The following NSD3 variants were observed in gnomAD, a reference collection of about 807,000 sequenced individuals.
NSD3 encodes nuclear receptor binding SET domain protein 3, also known as histone-lysine N-methyltransferase NSD3.
In NSD3, 24 loss-of-function variants were observed where a neutral mutation model predicts 160.8. That is an observed-to-expected ratio of 0.15 (90% CI 0.11 to 0.21). The LOEUF is 0.21. NSD3 is among the 10% of genes least tolerant of loss of function. The pLI is 1.00. For missense variants in NSD3, 1,157 were observed against 1,735.9 expected (o/e 0.67, Z 5.93); for synonymous variants, 520 against 600.0 (o/e 0.87, Z 1.95).
At position 38,318,804 on chromosome 8, in the gene NSD3, A is replaced by T; in HGVS notation, c.1855+91T>A. The stretch of plus-strand genomic sequence containing the variant: ...ACACTGAAGAGCAACAACGATTTAC[A>T]GAGACAGACAAAAATACATGAAGTA... On this transcript the variant is annotated intron_variant, in intron 9 of 23. Coordinates refer to ENST00000317025, the MANE Select transcript of NSD3 (RefSeq NM_023034.2). The surrounding 1 kb of genome is among the most constrained non-coding windows in gnomAD (Gnocchi z 5.3). 3.2e-6 allele frequency: 4 copies of T among 1,263,988 alleles called. No homozygotes were observed. The highest frequency in any genetic ancestry group is 3.4e-6 in the Non-Finnish European group (3 of 873,072). 78.3% of individuals were successfully genotyped at this position (1,263,988 alleles called of 1,614,324 possible). A position where few individuals can be genotyped will look rare whatever the true frequency, so the allele number is the denominator to read the frequency against.
At position 38,348,027 on chromosome 8, in the gene NSD3, A is replaced by G; in HGVS notation, c.145T>C (p.Tyr49His). 1 of 1,614,216 alleles carries G rather than the reference A, an allele frequency of 6.2e-7. No homozygotes were observed. Among genetic ancestry groups the G allele is most frequent in the Non-Finnish European group, 8.5e-7 (1 of 1,180,036 alleles). ...DIAEDGGQTPYEATLQQGFQY... is the reference protein window; with the variant it reads ...DIAEDGGQTPHEATLQQGFQY... The stretch of plus-strand genomic sequence containing the variant: ...AAGCCTTGCTGCAAAGTAGCTTCAT[A>G]TGGTGTCTGGCCACCATCTTCAGCA... Residue 49 changes from tyrosine (Y) to histidine (H), a missense_variant, in exon 2 of 24, where the codon TAT becomes CAT. By Grantham distance (83) the Tyr-to-His change is moderately conservative. Coordinates refer to ENST00000317025, the MANE Select transcript of NSD3 (RefSeq NM_023034.2).
chr8:38,305,511 T>C, intron 12 of NSD3, 66 bp from the exon 13 acceptor site: 3 of 1,522,800 alleles, frequency 2.0e-6, no homozygotes, highest in Non-Finnish European at 2.7e-6. Context: ...TAGAAGCAGC[T>C]ACAGACATCA....
At chr8:38,313,987 A>G (rs1446977152) in intron 12 of NSD3, among the ~76,000 whole-genome samples, 1 of 143,596 alleles carries the variant, frequency 7.0e-6, no homozygotes, top group Non-Finnish European at 1.6e-5. Context: ...CCTCATAGCT[A>G]AAACAAAGCA....
intron 18 of NSD3, 70 bp downstream of exon 18, chr8:38,289,323 G>T: frequency 7.4e-7 from 1 of 1,355,630 alleles, no homozygotes; most frequent in Non-Finnish European, 1.0e-6. Flanking sequence ...AAATAACAAT[G>T]CTTTCATAGT....
In NSD3 at chr8:38,305,400, T is replaced by G. The variant is rs770854471; in HGVS notation, c.2288A>C (p.Lys763Thr). ...CCCACAAGCACCAACAGAACAACGC[T>G]TCACATCTTTACCAGACACTTTACA... ...FSCKVSGKDV[K>T]RCSVGACGKF... is the part of the protein sequence containing the mutation. Residue 763 changes from lysine to threonine, a missense_variant, in exon 13 of 24, where the codon AAG becomes ACG. By Grantham distance (78) the Lys-to-Thr change is moderately conservative. This residue lies in a region of NSD3 where 437 missense variants were observed against 576.6 expected (regional missense o/e 0.76). Coordinates refer to ENST00000317025, the MANE Select transcript of NSD3 (RefSeq NM_023034.2). 1 of 1,614,152 alleles carries G rather than the reference T, an allele frequency of 6.2e-7. No homozygotes were observed. Among genetic ancestry groups the G allele is most frequent in the South Asian group, 1.1e-5 (1 of 91,084 alleles).
chr8:38,324,786 G>A (rs1809868907), intron 7 of NSD3, among the ~76,000 whole-genome samples: 1 of 152,202 alleles, frequency 6.6e-6, no homozygotes, highest in Admixed American at 6.5e-5. Context: ...GAGAAGGGGA[G>A]TGGGGCTGAA....
intron 1 of NSD3, among the ~76,000 whole-genome samples, chr8:38,352,841 A>G (rs972651460): frequency 6.6e-6 from 1 of 152,134 alleles, no homozygotes; most frequent in Non-Finnish European, 1.5e-5. Context: ...CCTGATGTCC[A>G]TGATTTTTAC....
At chr8:38,334,747 A>T (rs1023584927) in intron 4 of NSD3, among the ~76,000 whole-genome samples, 3 of 149,936 alleles carry the variant, frequency 2.0e-5, no homozygotes, top group African/African-American at 7.4e-5. Flanking sequence ...GCAACAATCC[A>T]TCTCAAAAAC....
Position 38,329,258 on chromosome 8 carries a change from G to T in NSD3, c.1581+120C>A. 8.2e-7 allele frequency: 1 copy of T among 1,225,362 alleles called. No homozygotes were observed. Among genetic ancestry groups the T allele is most frequent in the Non-Finnish European group, 1.1e-6 (1 of 889,694 alleles). The allele number at this position is 1,225,362 out of a possible 1,614,324, so 75.9% of individuals were successfully genotyped here. A position where few individuals can be genotyped will look rare whatever the true frequency, so the allele number is the denominator to read the frequency against. On this transcript the variant is annotated intron_variant, in intron 6 of 23. Transcript: ENST00000317025. The surrounding 1 kb of genome is among the most constrained non-coding windows in gnomAD (Gnocchi z 4.8). Reference sequence around the variant, plus strand: ...TGCCCACAGAGTACAATGACTGTATGTTTCAAATTCAGTGGGTAGAAAGGG... The same window carrying T: ...TGCCCACAGAGTACAATGACTGTATTTTTCAAATTCAGTGGGTAGAAAGGG...
intron 5 of NSD3, among the ~76,000 whole-genome samples, chr8:38,330,694 G>C (rs905677635): frequency 6.6e-6 from 1 of 152,272 alleles, no homozygotes; most frequent in East Asian, 1.9e-4. Flanking sequence ...TCAAAATTCT[G>C]TGATAAAATT....
chr8:38,293,320 G>A (rs1391967603), intron 16 of NSD3, among the ~76,000 whole-genome samples: 1 of 152,052 alleles, frequency 6.6e-6, no homozygotes, highest in Non-Finnish European at 1.5e-5. Flanking sequence ...GGGAGGCTGA[G>A]GCCGGTGGAT....
chr8:38,381,293 C>T (rs1811547259), intron 1 of NSD3, among the ~76,000 whole-genome samples: 2 of 152,004 alleles, frequency 1.3e-5, no homozygotes, highest in South Asian at 4.1e-4. Flanking sequence ...TTTTCCTTCA[C>T]TTCCATTCCT....
At chr8:38,354,802 AGTG>A (rs1810783700) in intron 1 of NSD3, among the ~76,000 whole-genome samples, 1 of 152,170 alleles carries the variant, frequency 6.6e-6, no homozygotes, top group Admixed American at 6.6e-5. Context: ...AGGTACCTAA[AGTG>A]GTATAAGCCT....
intron 15 of NSD3, 149 bp from the exon 16 acceptor site, chr8:38,296,101 T>A: frequency 1.2e-6 from 1 of 833,920 alleles, no homozygotes; most frequent in Non-Finnish European, 1.8e-6. Flanking sequence ...AGTGATGGAT[T>A]AAAATAGCAA....
chr8:38,334,392 T>C (rs1231492162), intron 4 of NSD3, among the ~76,000 whole-genome samples: 2 of 152,212 alleles, frequency 1.3e-5, no homozygotes, highest in African/African-American at 4.8e-5. Flanking sequence ...TGTTCTAAAA[T>C]AGATTGTGGT....
intron 7 of NSD3, among the ~76,000 whole-genome samples, chr8:38,322,499 T>C (rs1374496708): frequency 6.6e-6 from 1 of 152,064 alleles, no homozygotes; most frequent in African/African-American, 2.4e-5. Flanking sequence ...AAAATGAAAA[T>C]GGAATTGCTT....
chr8:38,331,215 A>G lies in NSD3; in HGVS notation c.1065+216T>C, dbSNP rs1400023768. Among the ~76,000 whole-genome samples the G allele has an allele frequency of 2.0e-5, 3 of 152,196 alleles. 1 individual carries two copies. Among genetic ancestry groups the G allele is most frequent in the African/African-American group, 7.2e-5 (3 of 41,474 alleles). On this transcript the variant is annotated intron_variant, in intron 5 of 23. Coordinates refer to ENST00000317025, the MANE Select transcript of NSD3 (RefSeq NM_023034.2). The stretch of plus-strand genomic sequence containing the variant: ...GAATTCAATATTAAGCAGGTAGCTA[A>G]AGTTTTTAATAGTACTATACGTCGT...
intron 5 of NSD3, among the ~76,000 whole-genome samples, chr8:38,330,982 T>C (rs1308604780): frequency 2.6e-5 from 4 of 152,220 alleles, no homozygotes; most frequent in South Asian, 2.1e-4. Flanking sequence ...AGTTAATATA[T>C]GTAAAATGCT....
chr8:38,352,280 A>G (rs1167201918), intron 1 of NSD3, among the ~76,000 whole-genome samples: 1 of 152,066 alleles, frequency 6.6e-6, no homozygotes, highest in Non-Finnish European at 1.5e-5. Context: ...GCAAATGGAA[A>G]TGATTTTGGA....
Sources: allele counts gnomAD v4.1 joint callset (sites outside exome capture counted in the v4.1 genomes callset), GRCh38; gene constraint gnomAD v4.1.1; regional missense constraint gnomAD v4.1.1; non-coding constraint Gnocchi (gnomAD v3.1); transcripts MANE v1.5; gene names NCBI Gene and HGNC (gene_info 2026-07-23, HGNC 2026-07-21).